The following OTOG variants were observed in gnomAD, a reference collection of about 807,000 sequenced individuals.
The protein encoded by OTOG is otogelin.
Under a neutral mutation model 313.8 loss-of-function variants are expected in OTOG, and 296 were observed. That is an observed-to-expected ratio of 0.94 (90% confidence interval 0.86 to 1.04). OTOG has a LOEUF of 1.04. Ranked by LOEUF, OTOG falls within the 50% of genes least tolerant of loss-of-function variation. The probability of loss-of-function intolerance (pLI) is 0.00; values close to 1 mark genes in which losing one functional copy is unlikely to be tolerated. For missense variants in OTOG, 3,948 were observed against 3,840.1 expected (o/e 1.03, Z -0.74); for synonymous variants, 1,533 against 1,554.9 (o/e 0.99, Z 0.33).
At chr11:17,634,981 G>A (rs1346881460) in intron 45 of OTOG, 33 bp downstream of exon 45, 17 of 1,530,184 alleles carry the variant, frequency 1.1e-5, no homozygotes, top group African/African-American at 5.5e-5. Context: ...GGTGGGGGAC[G>A]GACTGAGGGC....
rs1854053575 is a variant in OTOG at position 17,629,141 on chromosome 11, G to A, written c.6537G>A (p.Val2179=). 1 of 1,550,320 alleles carries A rather than the reference G, an allele frequency of 6.5e-7. No homozygotes were observed. The highest frequency in any genetic ancestry group is 2.0e-5 in the Admixed American group (1 of 50,986). The change falls in exon 40 of 56, where the codon GTG becomes GTA. Residue 2179 remains valine, a synonymous_variant. Coordinates refer to ENST00000399397, the MANE Select transcript of OTOG (RefSeq NM_001292063.2). ...TIDRFNRKVT[V]DLQPVWPPVS... Reference sequence around the variant, plus strand: ...CTGAATTCCCTCCCAAGGTGACTGTGGACTTGCAGCCTGTGTGGCCACCGG... The same window carrying A: ...CTGAATTCCCTCCCAAGGTGACTGTAGACTTGCAGCCTGTGTGGCCACCGG...
chr11:17,561,606 G>A, intron 14 of OTOG, 56 bp from the exon 15 acceptor site: 11 of 1,539,450 alleles, frequency 7.1e-6, no homozygotes, highest in Admixed American at 3.9e-5. Context: ...GAGCTTGCAG[G>A]GCAGAGTTCC....
chr11:17,558,677 C>T, intron 10 of OTOG, 33 bp downstream of exon 10: 2 of 1,536,438 alleles, frequency 1.3e-6, no homozygotes, highest in African/African-American at 1.4e-5. Flanking sequence ...ATGGGGAACC[C>T]TCTAGTATTG....
At chr11:17,551,270 G>A (rs138406150) in intron 3 of OTOG, among the ~76,000 whole-genome samples, 5 of 152,074 alleles carry the variant, frequency 3.3e-5, no homozygotes, top group Admixed American at 3.3e-4. Flanking sequence ...TGAGAGGGCT[G>A]GTGTATAAGT....
chr11:17,593,437 G>C, intron 26 of OTOG, 110 bp downstream of exon 26: 1 of 1,442,898 alleles, frequency 6.9e-7, no homozygotes, highest in Non-Finnish European at 9.3e-7. Context: ...CTCTTGGAGA[G>C]CCACTGAGTT....
At position 17,634,262 on chromosome 11, in the gene OTOG, C is replaced by T. The variant is rs530992812; in HGVS notation, c.7461C>T (p.Cys2487=). The change falls in exon 44 of 56, where the codon TGC becomes TGT. Residue 2487 remains cysteine (C), a synonymous_variant. Transcript: ENST00000399397. ...TGCTCCTACCCACCAAGGACCCCTGCTGCCTGGGGACTGTCTGTGGTGAGT... is the reference window on the plus strand; with the variant it reads ...TGCTCCTACCCACCAAGGACCCCTGTTGCCTGGGGACTGTCTGTGGTGAGT... The part of the protein sequence containing the change: ...VALLLPTKDP[C]CLGTVCVCNQ... 341 of 1,550,472 alleles carry T rather than the reference C, an allele frequency of 2.2e-4. No homozygotes were observed. Among genetic ancestry groups the T allele is most frequent in the Non-Finnish European group, 2.8e-4 (325 of 1,146,884 alleles).
intron 24 of OTOG, among the ~76,000 whole-genome samples, chr11:17,588,702 A>G (rs562390779): frequency 2.0e-5 from 3 of 152,182 alleles, no homozygotes; most frequent in African/African-American, 7.2e-5. Context: ...AGATTTTAGT[A>G]TCTGTTTAGA....
rs1854058292 is a variant in OTOG at position 17,629,287 on chromosome 11, C to T, written c.6683C>T (p.Thr2228Ile). The T allele has an allele frequency of 6.5e-7, 1 of 1,550,340 alleles. No individual in the cohort carries two copies. Among genetic ancestry groups the T allele is most frequent in the Admixed American group, 2.0e-5 (1 of 50,982 alleles). The change falls in exon 40 of 56, where the codon ACC becomes ATC. Residue 2228 changes from threonine to isoleucine, a missense_variant. Coordinates refer to ENST00000399397, the MANE Select transcript of OTOG (RefSeq NM_001292063.2). ...SGLMIVEASKTSKAQGHGLCG... is the reference protein window; with the variant it reads ...SGLMIVEASKISKAQGHGLCG... ...CTCATGATCGTGGAGGCCAGCAAAA[C>T]CAGCAAGGCCCAGGGCCATGGCCTG... is the stretch of plus-strand genomic sequence containing the variant.
chr11:17,568,000 C>T (rs1470433323), intron 15 of OTOG, among the ~76,000 whole-genome samples: 2 of 152,134 alleles, frequency 1.3e-5, no homozygotes, highest in South Asian at 2.1e-4. Flanking sequence ...CTCCGCCTCC[C>T]GGGTTCACGC....
Position 17,553,218 on chromosome 11 carries a change from C to G in OTOG, c.385+7C>G. 1 of 1,550,134 alleles carries G rather than the reference C, an allele frequency of 6.5e-7. No homozygotes were observed. Among genetic ancestry groups the G allele is most frequent in the African/African-American group, 1.4e-5 (1 of 73,124 alleles). The stretch of plus-strand genomic sequence containing the variant: ...GGACCGCGCTGCCAGATGGGTGGGT[C>G]TGGGCTCCACCCCACCCCCAGGAAG... On this transcript the variant is annotated splice_region_variant and intron_variant, in intron 5 of 55. Transcript: ENST00000399397.
At chr11:17,594,883 A>G (rs1348893569) in intron 28 of OTOG, among the ~76,000 whole-genome samples, 1 of 152,190 alleles carries the variant, frequency 6.6e-6, no homozygotes, top group Non-Finnish European at 1.5e-5. Flanking sequence ...GACAACTCTG[A>G]TTGGTCAAAA....
chr11:17,563,582 G>C (rs999423551), intron 15 of OTOG, among the ~76,000 whole-genome samples: 10 of 152,200 alleles, frequency 6.6e-5, no homozygotes, highest in African/African-American at 2.4e-4. Flanking sequence ...CATCCTGAGG[G>C]TGGCATAAGA....
chr11:17,640,818 G>T lies in OTOG; in HGVS notation c.8009G>T (p.Cys2670Phe). Residue 2670 changes from cysteine (C) to phenylalanine (F), a missense_variant and splice_region_variant, in exon 50 of 56, where the codon TGT (cysteine) becomes TTT (phenylalanine). By Grantham distance (205) the Cys-to-Phe change is radical. Coordinates refer to ENST00000399397, the MANE Select transcript of OTOG (RefSeq NM_001292063.2). ...ENVCGCAKYE[C>F]VKAPVCLSRE... ...GTGTGTGGCTGCGCCAAGTACGAGT[G>T]TGGTGAGTGGGGGAAGCCTCGGGGC... 6.5e-7 allele frequency: 1 copy of T among 1,550,386 alleles called. No individual in the cohort carries two copies. Among genetic ancestry groups the T allele is most frequent in the Non-Finnish European group, 8.7e-7 (1 of 1,147,010 alleles).
In OTOG at chr11:17,547,348, AGTCCTCCGGTCCCCTCGT is replaced by A; in HGVS notation, c.-20_-3del. 1.5e-6 allele frequency: 2 copies of A among 1,326,772 alleles called. No individual in the cohort carries two copies. Among genetic ancestry groups the A allele is most frequent in the South Asian group, 4.2e-5 (2 of 47,702 alleles). The allele number at this position is 1,326,772 out of a possible 1,614,324, so 82.2% of individuals were successfully genotyped here. ...CCTCGGGAGGCTGGCCCTGCGCTCA[AGTCCTCCGGTCCCCTCGT>A]GTCCCTATGGGAGTCCTGGCGTCTG... is the stretch of plus-strand genomic sequence containing the variant. On this transcript the variant is annotated 5_prime_UTR_variant, in exon 1 of 56. Transcript: ENST00000399397.
chr11:17,621,735 C>T (rs763925269), intron 39 of OTOG, among the ~76,000 whole-genome samples: 6 of 152,214 alleles, frequency 3.9e-5, no homozygotes, highest in Non-Finnish European at 8.8e-5. Context: ...AGCCCCTAAA[C>T]TCTCTAAGTA....
At chr11:17,582,045 A>T (rs905430862) in intron 23 of OTOG, among the ~76,000 whole-genome samples, 2 of 152,190 alleles carry the variant, frequency 1.3e-5, no homozygotes, top group Non-Finnish European at 2.9e-5. Flanking sequence ...TTGTATGAAT[A>T]TACAATTATT....
chr11:17,582,204 T>C (rs912364326), intron 23 of OTOG, among the ~76,000 whole-genome samples: 1 of 152,184 alleles, frequency 6.6e-6, no homozygotes, highest in Admixed American at 6.5e-5. Flanking sequence ...TTGTAGTCAA[T>C]CCTACCCCTG....
rs547273913 is a variant in OTOG at position 17,609,929 on chromosome 11, C to T, written c.4629C>T (p.Ala1543=). Residue 1543 remains alanine, a synonymous_variant, in exon 36 of 56, where the codon GCC becomes GCT. Transcript: ENST00000399397. ...AGCTCACTGCATCTCAACTCCCCGC[C>T]GGCCCCACGGAGTCCCCAGCCAGCA... ...PLELTASQLP[A]GPTESPASKG... 199 of 1,530,088 alleles carry T rather than the reference C, an allele frequency of 1.3e-4. 1 individual carries two copies. The highest frequency in any genetic ancestry group is 2.2e-4 in the African/African-American group (16 of 72,758). 94.8% of individuals were successfully genotyped at this position (1,530,088 alleles called of 1,614,324 possible).
rs368666159 is a variant in OTOG at position 17,610,485 on chromosome 11, G to A, written c.5185G>A (p.Gly1729Arg). The change falls in exon 36 of 56, where the codon GGG (glycine) becomes AGG (arginine). Residue 1729 changes from glycine (G) to arginine (R), a missense_variant. Coordinates refer to ENST00000399397, the MANE Select transcript of OTOG (RefSeq NM_001292063.2). Reference protein sequence around the residue: ...IVLSTEKGEAGHSQPMGSPAS... With the variant: ...IVLSTEKGEARHSQPMGSPAS... ...GCTATCCACAGAGAAGGGCGAAGCC[G>A]GGCACAGCCAGCCCATGGGCTCGCC... 44 of 1,550,350 alleles carry A rather than the reference G, an allele frequency of 2.8e-5. No homozygotes were observed. In the South Asian group the frequency reaches 3.0e-4, roughly 10 times the overall value.
Sources: allele counts gnomAD v4.1 joint callset (sites outside exome capture counted in the v4.1 genomes callset), GRCh38; gene constraint gnomAD v4.1.1; transcripts MANE v1.5; gene names NCBI Gene and HGNC (gene_info 2026-07-23, HGNC 2026-07-21).